The following OPTC variants were observed in gnomAD, a reference collection of about 807,000 sequenced individuals.
OPTC encodes oculoglycan.
In OPTC, 22 loss-of-function variants were observed where a neutral mutation model predicts 25.4. The observed-to-expected ratio is 0.87, with a 90% CI of 0.62 to 1.24. The LOEUF (loss-of-function observed/expected upper bound fraction) is 1.24, where lower values mean the gene tolerates loss of function less well. OPTC is among the 50% of genes most tolerant of loss of function. OPTC has a pLI of 0.00. For missense variants in OPTC, 417 were observed against 425.2 expected (o/e 0.98, Z 0.17); for synonymous variants, 169 against 179.3 (o/e 0.94, Z 0.46).
At chr1:203,499,548 TC>T (rs1661339278) in intron 4 of OPTC, 100 bp from the exon 5 acceptor site, 2 of 962,928 alleles carry the variant, frequency 2.1e-6, no homozygotes, top group African/African-American at 1.6e-5. Context: ...AATCCCCTCA[TC>T]TTGAGAGGGA....
At chr1:203,503,883 TGC>T (rs1217002468) in intron 7 of OPTC, 138 bp downstream of exon 7, 4 of 753,014 alleles carry the variant, frequency 5.3e-6, no homozygotes, top group African/African-American at 1.7e-5. Flanking sequence ...TGCACACGCA[TGC>T]ATACACACAC....
At chr1:203,498,658 G>C in intron 3 of OPTC, 23 bp from the exon 4 acceptor site, 1 of 1,614,092 alleles carries the variant, frequency 6.2e-7, no homozygotes. Context: ...ATCTCCCTTT[G>C]TTCTGTCTTC....
At chr1:203,500,969 A>G (rs1251624976) in intron 5 of OPTC, among the ~76,000 whole-genome samples, 1 of 152,176 alleles carries the variant, frequency 6.6e-6, no homozygotes, top group African/African-American at 2.4e-5. Context: ...CTCCCTGAAA[A>G]CATACACGTG....
chr1:203,506,351 A>G (rs2102227472), intron 7 of OPTC, among the ~76,000 whole-genome samples: 1 of 151,752 alleles, frequency 6.6e-6, no homozygotes. Flanking sequence ...GGGTTTCTCC[A>G]TGTTGGTCAG....
At chr1:203,507,281 A>C (rs1395620631) in intron 7 of OPTC, among the ~76,000 whole-genome samples, 2 of 152,196 alleles carry the variant, frequency 1.3e-5, no homozygotes, top group African/African-American at 4.8e-5. Context: ...AGAATGGTAA[A>C]GATGGAGAGA....
In OPTC at chr1:203,497,094, C is replaced by T. The variant is rs1480621750; in HGVS notation, c.349C>T (p.Leu117=). ...MTRPTTAGLL[L]SSQPNHGLPT... is the part of the protein sequence containing the mutation. ...CAGACCTACTACAGCAGGGCTGCTA[C>T]TGAGTTCCCAGCCCAACCATGGTAA... The change falls in exon 3 of 8, where the codon CTG becomes TTG. Residue 117 remains leucine (L), a synonymous_variant. Coordinates refer to ENST00000367222, the MANE Select transcript of OPTC (RefSeq NM_014359.4). The T allele has an allele frequency of 6.2e-7, 1 of 1,614,038 alleles. No individual in the cohort carries two copies. The highest frequency in any genetic ancestry group is 8.5e-7 in the Non-Finnish European group (1 of 1,180,014).
At chr1:203,504,617 T>A (rs1187222472) in intron 7 of OPTC, among the ~76,000 whole-genome samples, 1 of 152,240 alleles carries the variant, frequency 6.6e-6, no homozygotes, top group African/African-American at 2.4e-5. Context: ...AAGATTTCTA[T>A]AGGGCATTCC....
chr1:203,502,827 G>T, intron 5 of OPTC, 87 bp from the exon 6 acceptor site: 1 of 1,010,880 alleles, frequency 9.9e-7, no homozygotes, highest in Non-Finnish European at 1.6e-6. Flanking sequence ...AACAAATGGG[G>T]CCACCTGTCT....
At chr1:203,494,522 G>A (rs1442361929) in intron 1 of OPTC, among the ~76,000 whole-genome samples, 1 of 152,082 alleles carries the variant, frequency 6.6e-6, no homozygotes, top group African/African-American at 2.4e-5. Flanking sequence ...GGTAACACAC[G>A]CCTGTAGTCC....
Position 203,498,841 on chromosome 1 carries a change from T to A in OPTC, c.529+2T>A, listed in dbSNP as rs374472586. On this transcript the variant is annotated splice_donor_variant, in intron 4 of 7. Transcript: ENST00000367222. LOFTEE classifies it high-confidence loss of function. ...GGGCCGAAGACTTCAAAGGGCTGAG[T>A]ATGTAATGCCCTGGGAAAAGAGGAG... The A allele has an allele frequency of 6.2e-7, 1 of 1,613,630 alleles. No individual in the cohort carries two copies. The highest frequency in any genetic ancestry group is 1.7e-5 in the Admixed American group (1 of 60,012).
chr1:203,494,236 G>A lies in OPTC; in HGVS notation c.-42+19G>A, dbSNP rs1327429522. 6.6e-6 allele frequency: 1 copy of A among 152,242 alleles called. No individual in the cohort carries two copies. Among genetic ancestry groups the A allele is most frequent in the African/African-American group, 2.4e-5 (1 of 41,434 alleles). The allele number at this position is 152,242 out of a possible 1,614,324, so 9.4% of individuals were successfully genotyped here. A position where few individuals can be genotyped will look rare whatever the true frequency, so the allele number is the denominator to read the frequency against. The stretch of plus-strand genomic sequence containing the variant: ...TGAAGGGGTAAGGCTCAAGGTTGAG[G>A]CCTCTGGCCATCGGTGCGCAAATGA... On this transcript the variant is annotated intron_variant, in intron 1 of 7. Transcript: ENST00000367222.
intron 7 of OPTC, among the ~76,000 whole-genome samples, chr1:203,506,157 T>C (rs28460665): frequency 0.044 from 6,549 of 150,446 alleles, 344 homozygotes; most frequent in Admixed American, 0.15. Flanking sequence ...TTTTTCTTTT[T>C]TTTTTTTTTT....
At chr1:203,507,432 C>T (rs72743640) in intron 7 of OPTC, among the ~76,000 whole-genome samples, 1,613 of 152,352 alleles carry the variant, frequency 0.011, 19 homozygotes, top group Middle Eastern at 0.048. Context: ...ATCACATCCA[C>T]CTCCTCCAAC....
Position 203,505,948 on chromosome 1 carries a change from CAG to C in OPTC, c.*25+2206_*25+2207del, listed in dbSNP as rs1000428075. On this transcript the variant is annotated intron_variant, in intron 7 of 7. Coordinates refer to ENST00000367222, the MANE Select transcript of OPTC (RefSeq NM_014359.4). The stretch of plus-strand genomic sequence containing the variant: ...TCTCTGTGTGTGTCTCTCTCTCTCT[CAG>C]AGTGTGTGTGTGTGTGTGTGTTTTC... Among the ~76,000 whole-genome samples, 10 of 140,822 alleles carry C rather than the reference CAG, an allele frequency of 7.1e-5. No homozygotes were observed. In the East Asian group the frequency reaches 1.8e-3, roughly 26 times the overall value. The allele number at this position is 140,822 out of a possible 152,430, so 92.4% of individuals were successfully genotyped here. A position where few individuals can be genotyped will look rare whatever the true frequency, so the allele number is the denominator to read the frequency against.
chr1:203,505,951 A>T (rs28446704), intron 7 of OPTC, among the ~76,000 whole-genome samples: 21,669 of 150,014 alleles, frequency 0.14, 1,715 homozygotes, highest in East Asian at 0.31. Flanking sequence ...TCTCTCTCAG[A>T]GTGTGTGTGT....
intron 6 of OPTC, among the ~76,000 whole-genome samples, 178 bp downstream of exon 6, chr1:203,503,187 C>G (rs547357524): frequency 1.3e-5 from 2 of 152,270 alleles, no homozygotes; most frequent in East Asian, 3.9e-4. Context: ...GTCCATGACC[C>G]CAGTTTGATT....
intron 5 of OPTC, 137 bp downstream of exon 5, chr1:203,499,988 C>CA (rs1661351237): frequency 4.4e-6 from 3 of 674,816 alleles, no homozygotes; most frequent in Non-Finnish European, 7.7e-6. Flanking sequence ...CACCATCACC[C>CA]ACCTCTACCA....
chr1:203,499,661 G>C lies in OPTC; in HGVS notation c.542G>C (p.Arg181Thr). The C allele has an allele frequency of 1.2e-6, 2 of 1,613,414 alleles. No individual in the cohort carries two copies. Among genetic ancestry groups the C allele is most frequent in the Non-Finnish European group, 1.7e-6 (2 of 1,179,830 alleles). The change falls in exon 5 of 8, where the codon AGG (arginine) becomes ACG (threonine). Residue 181 changes from arginine (R) to threonine (T), a missense_variant. Physicochemically the swap from Arg to Thr is moderately conservative, Grantham distance 71. Transcript: ENST00000367222. Reference protein sequence around the residue: ...EDFKGLTKLKRIDLSNNLISS... With the variant: ...EDFKGLTKLKTIDLSNNLISS... Reference sequence around the variant, plus strand: ...TAACCTCTCTCAGCAAAGTTGAAGAGGATTGACCTCTCCAACAACCTCATT... The same window carrying C: ...TAACCTCTCTCAGCAAAGTTGAAGACGATTGACCTCTCCAACAACCTCATT...
intron 5 of OPTC, 32 bp from the exon 6 acceptor site, chr1:203,502,882 C>T (rs369658829): frequency 1.9e-6 from 3 of 1,573,146 alleles, no homozygotes; most frequent in South Asian, 1.1e-5. Context: ...ACAGGACCCA[C>T]CAGCCTCCTA....
Sources: gnomAD v4.1 joint callset for allele counts (sites outside exome capture counted in the v4.1 genomes callset) on GRCh38, gnomAD v4.1.1 for gene constraint, MANE v1.5 for transcripts, NCBI Gene and HGNC (gene_info 2026-07-23, HGNC 2026-07-21) for gene names.